The following COL22A1 variants were observed in gnomAD, a reference collection of about 807,000 sequenced individuals.
COL22A1 encodes the protein collagen type XXII alpha 1 chain.
In COL22A1, 221 loss-of-function variants were observed where a neutral mutation model predicts 248.9. That is an observed-to-expected ratio of 0.89 (90% CI 0.80 to 0.99). COL22A1 has a LOEUF of 0.99. COL22A1 is among the 50% of genes least tolerant of loss of function. The probability of loss-of-function intolerance (pLI) is 0.00; values close to 1 mark genes in which losing one functional copy is unlikely to be tolerated. For missense variants in COL22A1, 2,240 were observed against 2,179.0 expected (o/e 1.03, Z -0.56); for synonymous variants, 891 against 793.4 (o/e 1.12, Z -2.07).
chr8:138,698,308 C>T (rs1213399828), intron 32 of COL22A1, among the ~76,000 whole-genome samples: 1 of 152,158 alleles, frequency 6.6e-6, no homozygotes, highest in Non-Finnish European at 1.5e-5. Context: ...CCATCCAGTG[C>T]GCTATGGCTG....
chr8:138,851,347 G>A (rs1248402114), intron 3 of COL22A1, among the ~76,000 whole-genome samples: 3 of 152,190 alleles, frequency 2.0e-5, no homozygotes, highest in South Asian at 2.1e-4. Context: ...GTGGCAGGAC[G>A]AGAGGGACAG....
intron 41 of COL22A1, among the ~76,000 whole-genome samples, chr8:138,665,990 A>ATTAGTGGGTGCAGCGCACCAGCATGGC (rs1824472865): frequency 6.6e-6 from 1 of 152,154 alleles, no homozygotes; most frequent in African/African-American, 2.4e-5. Flanking sequence ...GAATCATGGC[A>ATTAGTGGGTGCAGCGCACCAGCATGGC]AATGTTATTT....
rs948699158 is a variant in COL22A1, at chr8:138,629,280, C to T, written c.3663+1415G>A. Among the ~76,000 whole-genome samples the T allele has an allele frequency of 4.6e-5, 7 of 152,232 alleles. No homozygotes were observed. The South Asian group carries it at 6.2e-4, about 14-fold the overall frequency. ...CAAGCGATTCTCCTGCTTCAGCCTC[C>T]CAAGTAGGTGGGATTACAGGCATGT... On this transcript the variant is annotated intron_variant, in intron 50 of 64. Coordinates refer to ENST00000303045, the MANE Select transcript of COL22A1 (RefSeq NM_152888.3).
At chr8:138,850,654 C>T (rs1821569128) in intron 3 of COL22A1, among the ~76,000 whole-genome samples, 1 of 152,212 alleles carries the variant, frequency 6.6e-6, no homozygotes, top group Admixed American at 6.5e-5. Flanking sequence ...GAGCTGTGCA[C>T]CAGAGTACAG....
At chr8:138,695,554 C>T (rs1249213033) in intron 32 of COL22A1, among the ~76,000 whole-genome samples, 3 of 151,934 alleles carry the variant, frequency 2.0e-5, no homozygotes, top group African/African-American at 7.3e-5. Flanking sequence ...TAAGGGAACC[C>T]AGACCTTTGG....
chr8:138,720,738 C>T lies in COL22A1; in HGVS notation c.2355+1G>A, dbSNP rs754973282. 10 of 1,613,292 alleles carry T rather than the reference C, an allele frequency of 6.2e-6. No homozygotes were observed. Among genetic ancestry groups the T allele is most frequent in the South Asian group, 4.4e-5 (4 of 91,044 alleles). On this transcript the variant is annotated splice_donor_variant, in intron 27 of 64. Transcript: ENST00000303045. LOFTEE classifies it high-confidence loss of function. ...ATGGGAAAAAGAGGCAAAGTCCATA[C>T]CCGAAGGCCTGGTTTTCCAGGCAGA... is the stretch of plus-strand genomic sequence containing the variant.
In COL22A1 at chr8:138,676,557, C is replaced by A; in HGVS notation, c.3150+1G>T. ...TAAGAGCTGGATAAATAAAGACTTA[C>A]AGGAGGGCCAGCAACCCCAATGCCT... On this transcript the variant is annotated splice_donor_variant, in intron 41 of 64. Coordinates refer to ENST00000303045, the MANE Select transcript of COL22A1 (RefSeq NM_152888.3). LOFTEE classifies it high-confidence loss of function. 6.4e-7 allele frequency: 1 copy of A among 1,559,950 alleles called. No homozygotes were observed. The highest frequency in any genetic ancestry group is 8.7e-7 in the Non-Finnish European group (1 of 1,150,616).
At chr8:138,866,511 T>G (rs78317185) in intron 3 of COL22A1, among the ~76,000 whole-genome samples, 2,744 of 152,334 alleles carry the variant, frequency 0.018, 79 homozygotes, top group African/African-American at 0.062. Flanking sequence ...CGCCACTCTA[T>G]ATTTCATCTC....
chr8:138,736,054 G>A (rs1227848796), intron 23 of COL22A1, among the ~76,000 whole-genome samples: 1 of 152,056 alleles, frequency 6.6e-6, no homozygotes, highest in Non-Finnish European at 1.5e-5. Flanking sequence ...AAGAGGCCAG[G>A]GGAACAGGGA....
At chr8:138,909,048 G>A (rs1815234204) in intron 1 of COL22A1, among the ~76,000 whole-genome samples, 2 of 152,210 alleles carry the variant, frequency 1.3e-5, no homozygotes, top group African/African-American at 2.4e-5. Flanking sequence ...TAGACGTACT[G>A]CAGCCTGCAG....
chr8:138,832,652 C>T (rs548903402), intron 5 of COL22A1, among the ~76,000 whole-genome samples: 1 of 152,320 alleles, frequency 6.6e-6, no homozygotes, highest in African/African-American at 2.4e-5. Flanking sequence ...ACCAAAGCCA[C>T]TCCGAGATTC....
At chr8:138,851,306 G>C (rs933386042) in intron 3 of COL22A1, among the ~76,000 whole-genome samples, 1 of 152,204 alleles carries the variant, frequency 6.6e-6, no homozygotes, top group Non-Finnish European at 1.5e-5. Flanking sequence ...CTTATCATGA[G>C]GGTGAGGAGG....
At chr8:138,629,946 T>C (rs1820571462) in intron 50 of COL22A1, among the ~76,000 whole-genome samples, 1 of 152,192 alleles carries the variant, frequency 6.6e-6, no homozygotes, top group African/African-American at 2.4e-5. Flanking sequence ...ATCCCCACTT[T>C]CCTTATTTAT....
rs76057340 is a variant in COL22A1 at position 138,678,092 on chromosome 8, G to T, written c.3073-1457C>A. Among the ~76,000 whole-genome samples the T allele has an allele frequency of 9.3e-3, 1,411 of 152,216 alleles. 20 individuals are homozygous for T. The highest frequency in any genetic ancestry group is 0.033 in the African/African-American group (1,353 of 41,516). ...TTGCCTTTCCTATAGTACAACCGTT[G>T]CCTGGATGAGTACATAAGCTATGTA... On this transcript the variant is annotated intron_variant, in intron 40 of 64. Coordinates refer to ENST00000303045, the MANE Select transcript of COL22A1 (RefSeq NM_152888.3).
At chr8:138,863,299 G>A (rs1822625016) in intron 3 of COL22A1, among the ~76,000 whole-genome samples, 1 of 152,158 alleles carries the variant, frequency 6.6e-6, no homozygotes, top group Admixed American at 6.5e-5. Context: ...ACGTTGCACA[G>A]GCCGGTTGTT....
rs1430353024 is a variant in COL22A1 at position 138,703,307 on chromosome 8, G to A, written c.2558C>T (p.Thr853Ile). ...AGAATTAGAAGCGGAGTAACTTACA[G>A]TTCCAGGTAACCCGGGAGGGCCTGC... ...GPAGPPGLPG[T>I]TSLFTPHPRM... The change falls in exon 31 of 65, where the codon ACT becomes ATT. Residue 853 changes from threonine to isoleucine, a missense_variant and splice_region_variant. Physicochemically the swap from Thr to Ile is moderately conservative, Grantham distance 89 (BLOSUM62 -1). Coordinates refer to ENST00000303045, the MANE Select transcript of COL22A1 (RefSeq NM_152888.3). 1 of 1,613,136 alleles carries A rather than the reference G, an allele frequency of 6.2e-7. No individual in the cohort carries two copies. The highest frequency in any genetic ancestry group is 8.5e-7 in the Non-Finnish European group (1 of 1,179,120).
intron 4 of COL22A1, among the ~76,000 whole-genome samples, chr8:138,839,456 T>C (rs752717920): frequency 3.2e-4 from 49 of 152,142 alleles, no homozygotes; most frequent in Non-Finnish European, 6.8e-4. Flanking sequence ...GTTTCTATTT[T>C]CCAAGGTCAT....
Position 138,809,528 on chromosome 8 carries a change from C to CT in COL22A1, c.1450-1717dup, listed in dbSNP as rs71518485. ...TTTCTTCTTCTCTTTTTTTCTTTTTCTTTTTTTTTTGAGACAGAGTCTCAC... is the reference window on the plus strand; with the variant it reads ...TTTCTTCTTCTCTTTTTTTCTTTTTCTTTTTTTTTTTGAGACAGAGTCTCAC... On this transcript the variant is annotated intron_variant, in intron 9 of 64. Coordinates refer to ENST00000303045, the MANE Select transcript of COL22A1 (RefSeq NM_152888.3). Among the ~76,000 whole-genome samples, 28 of 117,670 alleles carry CT rather than the reference C, an allele frequency of 2.4e-4. 2 individuals carry two copies. The highest frequency in any genetic ancestry group is 1.5e-3 in the South Asian group (5 of 3,298). 77.2% of individuals were successfully genotyped at this position (117,670 alleles called of 152,430 possible).
chr8:138,629,309 A>T (rs1483962051), intron 50 of COL22A1, among the ~76,000 whole-genome samples: 2 of 152,038 alleles, frequency 1.3e-5, no homozygotes, highest in African/African-American at 2.4e-5. Flanking sequence ...GGCATGTGCC[A>T]CCGTGCGAGA....
Sources: gnomAD v4.1 joint callset for allele counts (sites outside exome capture counted in the v4.1 genomes callset) on GRCh38, gnomAD v4.1.1 for gene constraint, MANE v1.5 for transcripts, NCBI Gene and HGNC (gene_info 2026-07-23, HGNC 2026-07-21) for gene names.